Variants in CLSTN2 observed in about 807,000 individuals in gnomAD.
CLSTN2 encodes the protein calsyntenin-2.
Under a neutral mutation model 101.2 loss-of-function variants are expected in CLSTN2, and 48 were observed. That is an observed-to-expected ratio of 0.47 (90% CI 0.38 to 0.60). The LOEUF (loss-of-function observed/expected upper bound fraction) is 0.60, where lower values mean the gene tolerates loss of function less well. CLSTN2 is among the 20% of genes least tolerant of loss of function. The probability of loss-of-function intolerance (pLI) is 0.00; values close to 1 mark genes in which losing one functional copy is unlikely to be tolerated. For missense variants in CLSTN2, 1,160 were observed against 1,238.2 expected (o/e 0.94, Z 0.95); for synonymous variants, 481 against 463.6 (o/e 1.04, Z -0.48).
intron 2 of CLSTN2, among the ~76,000 whole-genome samples, chr3:140,246,377 A>G (rs963828771): frequency 2.6e-5 from 4 of 152,114 alleles, no homozygotes; most frequent in African/African-American, 9.7e-5. Context: ...ATCTTTTACT[A>G]CCATGGGTCC....
At chr3:139,986,674 T>C (rs1209304654) in intron 1 of CLSTN2, among the ~76,000 whole-genome samples, 5 of 152,232 alleles carry the variant, frequency 3.3e-5, no homozygotes, top group Non-Finnish European at 7.3e-5. Flanking sequence ...GGACTTTTCA[T>C]TGTGGCATTG....
chr3:140,118,526 C>A (rs140536592), intron 1 of CLSTN2, among the ~76,000 whole-genome samples: 2 of 152,038 alleles, frequency 1.3e-5, no homozygotes, highest in East Asian at 3.9e-4. Context: ...CTTTCACTGT[C>A]GACAGTGGTT....
chr3:140,169,207 A>C (rs1419886421), intron 1 of CLSTN2, among the ~76,000 whole-genome samples: 1 of 152,038 alleles, frequency 6.6e-6, no homozygotes, highest in East Asian at 1.9e-4. Context: ...CAACTTTTGC[A>C]TATATTTTCT....
At chr3:140,282,930 T>C (rs180991182) in intron 2 of CLSTN2, among the ~76,000 whole-genome samples, 37 of 152,310 alleles carry the variant, frequency 2.4e-4, no homozygotes, top group African/African-American at 8.2e-4. Context: ...CCCTTCAACC[T>C]TCAACTGCTG....
intron 1 of CLSTN2, among the ~76,000 whole-genome samples, chr3:140,148,702 T>C (rs765408206): frequency 1.3e-4 from 20 of 152,122 alleles, no homozygotes; most frequent in Admixed American, 7.2e-4. Context: ...CTCTGGAAAG[T>C]TGGGAGAAAA....
At chr3:140,421,617 C>G (rs962020670) in intron 5 of CLSTN2, among the ~76,000 whole-genome samples, 4 of 152,166 alleles carry the variant, frequency 2.6e-5, no homozygotes, top group African/African-American at 9.7e-5. Context: ...CTGGGTCTAC[C>G]TGATGCATTT....
rs183668047 is a variant in CLSTN2, at chr3:140,551,879, C to T, written c.1675-4634C>T. On this transcript the variant is annotated intron_variant, in intron 10 of 16. Transcript: ENST00000458420. Reference sequence around the variant, plus strand: ...TATACATAATATATATCCTAGCAAACCTAATAGACTCTCAACAAATTATAG... The same window carrying T: ...TATACATAATATATATCCTAGCAAATCTAATAGACTCTCAACAAATTATAG... Among the ~76,000 whole-genome samples the T allele has an allele frequency of 1.5e-3, 227 of 150,180 alleles. 1 individual carries two copies. Among genetic ancestry groups the T allele is most frequent in the African/African-American group, 5.2e-3 (214 of 41,034 alleles).
At chr3:139,987,787 G>C (rs1438540150) in intron 1 of CLSTN2, among the ~76,000 whole-genome samples, 5 of 152,192 alleles carry the variant, frequency 3.3e-5, no homozygotes, top group African/African-American at 1.2e-4. Flanking sequence ...TGTACACCCA[G>C]AGGGTGATAG....
chr3:140,157,894 A>G (rs2107818076), intron 1 of CLSTN2, among the ~76,000 whole-genome samples: 1 of 152,380 alleles, frequency 6.6e-6, no homozygotes, highest in Non-Finnish European at 1.5e-5. Flanking sequence ...GCACATAAAC[A>G]GAATTAAAAG....
chr3:140,223,955 A>G (rs1320806451), intron 2 of CLSTN2, among the ~76,000 whole-genome samples: 1 of 152,164 alleles, frequency 6.6e-6, no homozygotes, highest in Non-Finnish European at 1.5e-5. Context: ...GTAGTGAAGA[A>G]GGTTCTAGAC....
At chr3:140,231,691 T>C (rs903149086) in intron 2 of CLSTN2, among the ~76,000 whole-genome samples, 1 of 152,236 alleles carries the variant, frequency 6.6e-6, no homozygotes, top group Non-Finnish European at 1.5e-5. Flanking sequence ...AGATTGGGAA[T>C]CAATTATAGA....
At chr3:140,497,026 G>C (rs951503769) in intron 8 of CLSTN2, among the ~76,000 whole-genome samples, 1 of 151,840 alleles carries the variant, frequency 6.6e-6, no homozygotes, top group Non-Finnish European at 1.5e-5. Context: ...ACTTGAACCT[G>C]GGAGGCAGAG....
chr3:139,973,970 A>T (rs1174177095), intron 1 of CLSTN2, among the ~76,000 whole-genome samples: 1 of 152,106 alleles, frequency 6.6e-6, no homozygotes. Context: ...GATATTGCCC[A>T]CCCTGGCACA....
At chr3:140,536,167 C>T (rs1303778375) in intron 9 of CLSTN2, among the ~76,000 whole-genome samples, 1 of 152,088 alleles carries the variant, frequency 6.6e-6, no homozygotes, top group East Asian at 1.9e-4. Context: ...CATCTACTAG[C>T]TGTACGGACC....
intron 1 of CLSTN2, among the ~76,000 whole-genome samples, chr3:140,163,826 G>A (rs535613666): frequency 5.2e-4 from 79 of 151,912 alleles, no homozygotes; most frequent in African/African-American, 1.9e-3. Flanking sequence ...CGACCGTAAA[G>A]GCTGGCACAT....
At chr3:140,345,786 T>G (rs1243973304) in intron 2 of CLSTN2, among the ~76,000 whole-genome samples, 1 of 152,062 alleles carries the variant, frequency 6.6e-6, no homozygotes, top group Non-Finnish European at 1.5e-5. Context: ...ACTTCAGACT[T>G]CAGCTTCTTC....
intron 1 of CLSTN2, among the ~76,000 whole-genome samples, chr3:140,013,428 A>G (rs909969425): frequency 2.0e-5 from 3 of 152,202 alleles, no homozygotes; most frequent in African/African-American, 4.8e-5. Context: ...TTTGGCTCAC[A>G]AGGATCCGGA....
intron 1 of CLSTN2, among the ~76,000 whole-genome samples, chr3:140,145,922 C>A (rs755031545): frequency 7.9e-5 from 12 of 152,226 alleles, no homozygotes; most frequent in Non-Finnish European, 1.3e-4. Context: ...GACTGCCTGG[C>A]CTCTGTGATG....
At chr3:140,114,012 T>C (rs1208914022) in intron 1 of CLSTN2, among the ~76,000 whole-genome samples, 2 of 152,186 alleles carry the variant, frequency 1.3e-5, no homozygotes, top group African/African-American at 4.8e-5. Flanking sequence ...TCTGGGGATC[T>C]GGTGATCTGC....
Sources: gnomAD v4.1 joint callset for allele counts (sites outside exome capture counted in the v4.1 genomes callset) on GRCh38, gnomAD v4.1.1 for gene constraint, MANE v1.5 for transcripts, NCBI Gene and HGNC (gene_info 2026-07-23, HGNC 2026-07-21) for gene names.